The following RGS6 variants were observed in gnomAD, a reference collection of about 807,000 sequenced individuals.
RGS6 encodes regulator of G-protein signaling 6.
In RGS6, 30 loss-of-function variants were observed where a neutral mutation model predicts 78.5. That is an observed-to-expected ratio of 0.38 (90% CI 0.29 to 0.52). RGS6 has a LOEUF of 0.52. Among genes scored for constraint, RGS6 ranks in the 20% least tolerant of loss-of-function variants. RGS6 has a pLI of 0.85. For missense variants in RGS6, 495 were observed against 609.7 expected (o/e 0.81, Z 1.98); for synonymous variants, 206 against 206.0 (o/e 1.00, Z 0.00).
At chr14:72,462,976 A>G (rs2095819193) in intron 6 of RGS6, among the ~76,000 whole-genome samples, 1 of 152,228 alleles carries the variant, frequency 6.6e-6, no homozygotes, top group Non-Finnish European at 1.5e-5. Context: ...GCAGAAAGTA[A>G]AGAAAGGGGT....
chr14:72,043,825 ATTCT>A (rs1446826594), intron 2 of RGS6, among the ~76,000 whole-genome samples: 1 of 151,958 alleles, frequency 6.6e-6, no homozygotes, highest in Non-Finnish European at 1.5e-5. Context: ...CTTTTGCTTC[ATTCT>A]TTCTTCCCCT....
At chr14:71,932,286 G>T (rs1667565041), upstream of RGS6, among the ~76,000 whole-genome samples, 1 of 151,416 alleles carries the variant, frequency 6.6e-6, no homozygotes, top group Non-Finnish European at 1.5e-5. Flanking sequence ...GTCCCCGCCC[G>T]CCGGCCCCTC....
intron 2 of RGS6, among the ~76,000 whole-genome samples, chr14:71,974,804 G>T (rs2094017260): frequency 6.6e-6 from 1 of 151,794 alleles, no homozygotes; most frequent in Non-Finnish European, 1.5e-5. Context: ...ATTTTCTTTA[G>T]TGCAGGTCTG....
intron 1 of RGS6, among the ~76,000 whole-genome samples, chr14:71,933,514 G>A (rs2088277321): frequency 6.6e-6 from 1 of 152,184 alleles, no homozygotes; most frequent in Non-Finnish European, 1.5e-5. Context: ...GTTGCGTGAG[G>A]AGTGAAGAGA....
chr14:72,509,622 G>A (rs2096854331), intron 13 of RGS6, among the ~76,000 whole-genome samples: 1 of 152,206 alleles, frequency 6.6e-6, no homozygotes, highest in African/African-American at 2.4e-5. Flanking sequence ...AAATCAATAA[G>A]TGCATGTAAC....
chr14:71,988,145 G>A (rs2094801730), intron 2 of RGS6, among the ~76,000 whole-genome samples: 1 of 152,174 alleles, frequency 6.6e-6, no homozygotes, highest in Non-Finnish European at 1.5e-5. Context: ...GTGACTCAAG[G>A]TAGATGAGCC....
At chr14:72,173,171 G>A (rs758469876) in intron 2 of RGS6, among the ~76,000 whole-genome samples, 1 of 151,970 alleles carries the variant, frequency 6.6e-6, no homozygotes, top group Non-Finnish European at 1.5e-5. Flanking sequence ...ATCTGGGGAC[G>A]TTTTTGGTGG....
At chr14:72,093,926 C>G (rs2095342487) in intron 2 of RGS6, among the ~76,000 whole-genome samples, 1 of 152,012 alleles carries the variant, frequency 6.6e-6, no homozygotes, top group Admixed American at 6.6e-5. Context: ...CAGAAATAAT[C>G]CTTCATTTAT....
At chr14:72,319,352 T>G (rs906199040) in intron 2 of RGS6, among the ~76,000 whole-genome samples, 16 of 142,264 alleles carry the variant, frequency 1.1e-4, no homozygotes, top group Non-Finnish European at 1.7e-4. Context: ...AGGGGGAAAT[T>G]TTTTTTTTTT....
intron 3 of RGS6, among the ~76,000 whole-genome samples, chr14:72,417,972 G>A (rs1304428532): frequency 4.6e-5 from 7 of 152,020 alleles, no homozygotes; most frequent in East Asian, 1.9e-4. Context: ...GCTTGGGGGC[G>A]ATCTGAACAC....
intron 17 of RGS6, chr14:72,547,365 GAAGT>G (rs1464870618): frequency 1.2e-5 from 18 of 1,532,470 alleles, no homozygotes; most frequent in Non-Finnish European, 1.6e-5. Context: ...CAAAGGCTAA[GAAGT>G]AAGACCCCCC....
chr14:72,603,597 A>C, the RGS6 span, among the ~76,000 whole-genome samples: 1 of 152,224 alleles, frequency 6.6e-6, no homozygotes, highest in African/African-American at 2.4e-5. Flanking sequence ...TCAACAGTGA[A>C]CAAGACACAG....
At chr14:72,048,705 CAG>C (rs59330525) in intron 2 of RGS6, among the ~76,000 whole-genome samples, 13 of 151,860 alleles carry the variant, frequency 8.6e-5, no homozygotes, top group African/African-American at 3.1e-4. Flanking sequence ...TTTTTCTTAA[CAG>C]AGAAAATTGA....
the RGS6 span, among the ~76,000 whole-genome samples, chr14:72,614,778 A>G: frequency 6.4e-5 from 3 of 46,716 alleles, no homozygotes; most frequent in African/African-American, 1.5e-4. Context: ...CAAGCCTCAG[A>G]AAAAAAAAAA....
At chr14:72,567,381 G>A (rs1213919358), downstream of RGS6, among the ~76,000 whole-genome samples, 5 of 152,108 alleles carry the variant, frequency 3.3e-5, no homozygotes, top group South Asian at 2.1e-4. Flanking sequence ...CCCAAGCTGC[G>A]CCTGCCTTCT....
chr14:72,194,637 C>T (rs956967589), intron 2 of RGS6, among the ~76,000 whole-genome samples: 1 of 152,262 alleles, frequency 6.6e-6, no homozygotes, highest in South Asian at 2.1e-4. Flanking sequence ...GCTGGGATTA[C>T]AGGCGTGAGC....
intron 2 of RGS6, among the ~76,000 whole-genome samples, chr14:72,047,318 G>A (rs974330234): frequency 2.0e-5 from 3 of 152,206 alleles, no homozygotes; most frequent in African/African-American, 7.2e-5. Flanking sequence ...AGTACTTACT[G>A]TCTGCCAGGC....
intron 3 of RGS6, among the ~76,000 whole-genome samples, chr14:72,401,261 G>T (rs575838930): frequency 6.6e-6 from 1 of 151,996 alleles, no homozygotes; most frequent in African/African-American, 2.4e-5. Context: ...TTCTTTTTGC[G>T]TGCTTCATGT....
chr14:72,531,876 C>T (rs990154627), intron 15 of RGS6, among the ~76,000 whole-genome samples: 10 of 152,070 alleles, frequency 6.6e-5, no homozygotes, highest in East Asian at 1.9e-4. Context: ...CTGTAGTCAC[C>T]GTAATGTTCA....
Sources: allele counts gnomAD v4.1 joint callset (sites outside exome capture counted in the v4.1 genomes callset), GRCh38; gene constraint gnomAD v4.1.1; transcripts MANE v1.5; gene names NCBI Gene and HGNC (gene_info 2026-07-23, HGNC 2026-07-21).